The following SGCZ variants were observed in gnomAD, a reference collection of about 807,000 sequenced individuals.
The protein encoded by SGCZ is zeta-sarcoglycan.
SGCZ carries 40 observed loss-of-function variants against 41.3 expected under a neutral mutation model. The ratio of observed to expected loss-of-function variants is 0.97; its 90% confidence interval spans 0.75 to 1.26. SGCZ has a LOEUF of 1.26. Ranked by LOEUF, SGCZ falls within the 50% of genes most tolerant of loss-of-function variation. The pLI, the probability that SGCZ is intolerant of heterozygous loss-of-function variation, is 0.00. For missense variants in SGCZ, 552 were observed against 369.8 expected (o/e 1.49, Z -4.04); for synonymous variants, 206 against 137.5 (o/e 1.50, Z -3.49).
intron 5 of SGCZ, among the ~76,000 whole-genome samples, chr8:14,159,276 G>A (rs930669720): frequency 6.6e-6 from 1 of 152,104 alleles, no homozygotes; most frequent in East Asian, 1.9e-4. Flanking sequence ...GCAGGGGAAT[G>A]AACTGTCCTC....
At chr8:14,516,019 A>C (rs981504056) in intron 2 of SGCZ, among the ~76,000 whole-genome samples, 2 of 152,076 alleles carry the variant, frequency 1.3e-5, no homozygotes, top group Non-Finnish European at 2.9e-5. Flanking sequence ...TAAGAATTAC[A>C]TGTTAAATTC....
chr8:15,237,053 G>C (rs1470882077), intron 1 of SGCZ, among the ~76,000 whole-genome samples: 2 of 152,214 alleles, frequency 1.3e-5, no homozygotes, highest in African/African-American at 4.8e-5. Context: ...GGGAAAAGGG[G>C]TCTCACGAAG....
At chr8:14,369,616 C>T (rs1015306766) in intron 2 of SGCZ, among the ~76,000 whole-genome samples, 1 of 151,878 alleles carries the variant, frequency 6.6e-6, no homozygotes, top group African/African-American at 2.4e-5. Context: ...TATGAAAATA[C>T]CCTGTTTCTC....
intron 2 of SGCZ, among the ~76,000 whole-genome samples, chr8:14,364,620 T>C (rs539686569): frequency 6.6e-6 from 1 of 152,182 alleles, no homozygotes; most frequent in African/African-American, 2.4e-5. Context: ...AGAGATGCTA[T>C]GCGTTATCAT....
intron 1 of SGCZ, among the ~76,000 whole-genome samples, chr8:14,944,315 A>G (rs1332810969): frequency 6.6e-6 from 1 of 152,168 alleles, no homozygotes; most frequent in Non-Finnish European, 1.5e-5. Context: ...AGAAACATAA[A>G]TGTGGCTTTG....
chr8:14,443,243 A>C (rs1232616982), intron 2 of SGCZ, among the ~76,000 whole-genome samples: 4 of 151,830 alleles, frequency 2.6e-5, no homozygotes, highest in Admixed American at 2.6e-4. Flanking sequence ...GCCCAAGGTA[A>C]TTTATAGATT....
chr8:14,666,735 T>C (rs1212360645), intron 1 of SGCZ, among the ~76,000 whole-genome samples: 1 of 148,698 alleles, frequency 6.7e-6, no homozygotes, highest in Non-Finnish European at 1.5e-5. Flanking sequence ...CTGAAAAACA[T>C]GACAACAAAA....
intron 1 of SGCZ, among the ~76,000 whole-genome samples, chr8:14,891,206 T>C (rs1295785477): frequency 6.6e-6 from 1 of 152,184 alleles, no homozygotes; most frequent in South Asian, 2.1e-4. Context: ...TTGTCACAGA[T>C]AGTAATTCCT....
intron 1 of SGCZ, among the ~76,000 whole-genome samples, chr8:15,064,178 T>C (rs1805038767): frequency 6.6e-6 from 1 of 152,198 alleles, no homozygotes; most frequent in African/African-American, 2.4e-5. Context: ...ACTGTACTTC[T>C]GTGCTCCAAA....
intron 4 of SGCZ, among the ~76,000 whole-genome samples, chr8:14,213,038 A>C (rs998805370): frequency 6.6e-6 from 1 of 152,104 alleles, no homozygotes; most frequent in African/African-American, 2.4e-5. Context: ...AGAAAACTAA[A>C]AAAGTAAATG....
At chr8:14,274,119 T>A (rs1181169423) in intron 3 of SGCZ, among the ~76,000 whole-genome samples, 1 of 152,194 alleles carries the variant, frequency 6.6e-6, no homozygotes, top group Non-Finnish European at 1.5e-5. Context: ...AAGTTTCATT[T>A]GCATATGTTA....
intron 2 of SGCZ, among the ~76,000 whole-genome samples, chr8:14,522,976 A>G (rs1315953359): frequency 1.3e-5 from 2 of 151,822 alleles, no homozygotes; most frequent in East Asian, 1.9e-4. Context: ...ATCTCTTTGT[A>G]TAATATTTTG....
chr8:14,727,515 CT>C (rs111909005), intron 1 of SGCZ, among the ~76,000 whole-genome samples: 316 of 143,750 alleles, frequency 2.2e-3, no homozygotes, highest in East Asian at 3.0e-3. Flanking sequence ...TACAATAATG[CT>C]TTTTTTTTTT....
intron 1 of SGCZ, among the ~76,000 whole-genome samples, chr8:15,137,867 G>A (rs1162695952): frequency 6.6e-6 from 1 of 152,204 alleles, no homozygotes; most frequent in Non-Finnish European, 1.5e-5. Flanking sequence ...AGTCCCCACT[G>A]GGGCACTGCC....
At chr8:14,296,225 T>TA (rs1801008342) in intron 3 of SGCZ, among the ~76,000 whole-genome samples, 1 of 152,078 alleles carries the variant, frequency 6.6e-6, no homozygotes, top group Non-Finnish European at 1.5e-5. Flanking sequence ...AGCAAGGCAA[T>TA]AAAACCCTGA....
chr8:14,653,558 T>A (rs1344650162), intron 1 of SGCZ, among the ~76,000 whole-genome samples: 1 of 152,078 alleles, frequency 6.6e-6, no homozygotes, highest in Non-Finnish European at 1.5e-5. Flanking sequence ...AATCCCTGGG[T>A]ACCAAATGTT....
intron 3 of SGCZ, among the ~76,000 whole-genome samples, chr8:14,308,200 C>T (rs1380463612): frequency 1.3e-5 from 2 of 152,022 alleles, no homozygotes; most frequent in African/African-American, 2.4e-5. Flanking sequence ...GAGATTATAC[C>T]TAAATCTTTC....
intron 1 of SGCZ, among the ~76,000 whole-genome samples, chr8:15,222,295 G>T (rs764726020): frequency 5.9e-5 from 9 of 151,984 alleles, no homozygotes; most frequent in African/African-American, 1.7e-4. Flanking sequence ...TCCAACTTGG[G>T]TCAGGCATTT....
At chr8:14,274,906 A>T (rs1800176965) in intron 3 of SGCZ, among the ~76,000 whole-genome samples, 1 of 152,086 alleles carries the variant, frequency 6.6e-6, no homozygotes, top group Non-Finnish European at 1.5e-5. Flanking sequence ...GTGACCCTAC[A>T]TTCATTTGTT....
Sources: gnomAD v4.1 joint callset for allele counts (sites outside exome capture counted in the v4.1 genomes callset) on GRCh38, gnomAD v4.1.1 for gene constraint, MANE v1.5 for transcripts, NCBI Gene and HGNC (gene_info 2026-07-23, HGNC 2026-07-21) for gene names.